The following ATP2C2 variants were observed in gnomAD, a reference collection of about 807,000 sequenced individuals.
ATP2C2 encodes ATPase secretory pathway Ca2+ transporting 2.
In ATP2C2, 171 loss-of-function variants were observed where a neutral mutation model predicts 110.8. The observed-to-expected ratio is 1.54, with a 90% CI of 1.36 to 1.75. The LOEUF is 1.75. Ranked by LOEUF, ATP2C2 falls within the 40% of genes most tolerant of loss-of-function variation. The probability of loss-of-function intolerance (pLI) is 0.00; values close to 1 mark genes in which losing one functional copy is unlikely to be tolerated. For missense variants in ATP2C2, 1,963 were observed against 1,235.0 expected (o/e 1.59, Z -8.84); for synonymous variants, 804 against 508.4 (o/e 1.58, Z -7.82).
At chr16:84,455,068 A>C in intron 21 of ATP2C2, 84 bp downstream of exon 21, 15 of 1,250,330 alleles carry the variant, frequency 1.2e-5, no homozygotes, top group Non-Finnish European at 1.5e-5. Context: ...CTGTGGAGAT[A>C]GAGGGGGGGG....
chr16:84,426,182 C>G lies in ATP2C2; in HGVS notation c.986+381C>G, dbSNP rs572311711. On this transcript the variant is annotated intron_variant, in intron 11 of 26. Transcript: ENST00000262429. ...GGGGAGGCTCCAGGAAGTTTCCAAT[C>G]AAGGCGGAAGGGGAAGGGGGAGCAG... The G allele has an allele frequency of 2.4e-5, 5 of 205,258 alleles. No homozygotes were observed. In the East Asian group the frequency reaches 4.8e-4, roughly 20 times the overall value. 12.7% of individuals were successfully genotyped at this position (205,258 alleles called of 1,614,324 possible).
intron 21 of ATP2C2, among the ~76,000 whole-genome samples, chr16:84,458,792 C>T (rs185515721): frequency 1.7e-3 from 253 of 152,314 alleles, no homozygotes; most frequent in African/African-American, 2.5e-3. Flanking sequence ...CGGAGATGCA[C>T]GGCGCACTTC....
chr16:84,432,043 G>C (rs1001458365), intron 11 of ATP2C2, among the ~76,000 whole-genome samples: 27 of 152,166 alleles, frequency 1.8e-4, no homozygotes, highest in African/African-American at 5.8e-4. Context: ...CCCTGAGAGA[G>C]ATGGCAAACC....
At chr16:84,453,700 G>A (rs370257514) in intron 20 of ATP2C2, among the ~76,000 whole-genome samples, 13 of 152,164 alleles carry the variant, frequency 8.5e-5, no homozygotes, top group African/African-American at 1.9e-4. Context: ...GTAGCTGGGC[G>A]GACACGAGCC....
intron 1 of ATP2C2, among the ~76,000 whole-genome samples, chr16:84,376,618 G>A (rs1335534675): frequency 1.3e-5 from 2 of 151,776 alleles, no homozygotes; most frequent in Non-Finnish European, 2.9e-5. Context: ...CTTCCAATGT[G>A]GCCCAGGGAA....
chr16:84,375,540 C>CAAA lies in ATP2C2; in HGVS notation c.99+6840_99+6842dup, dbSNP rs34953788. 6.5e-3 allele frequency among the ~76,000 whole-genome samples: 852 copies of CAAA among 130,862 alleles called. 6 individuals are homozygous for CAAA. The highest frequency in any genetic ancestry group is 0.011 in the Non-Finnish European group (688 of 62,248). The allele number at this position is 130,862 out of a possible 152,430, so 85.9% of individuals were successfully genotyped here. On this transcript the variant is annotated intron_variant, in intron 1 of 26. Coordinates refer to ENST00000262429, the MANE Select transcript of ATP2C2 (RefSeq NM_014861.4). ...TGGGTGACAGAGCAAGACTCTGTCT[C>CAAA]AAAAAAAAAAAAAAAAGAAAGAAAG... is the stretch of plus-strand genomic sequence containing the variant.
chr16:84,422,425 C>T lies in ATP2C2; in HGVS notation c.660C>T (p.Thr220=), dbSNP rs746908431. ...TDLLVDESSF[T]GEAEPCSKTD... is the part of the protein sequence containing the mutation. ...TCTTGGTGGATGAATCCAGTTTCAC[C>T]GGGGAAGCCGAGCCATGTAGTAAAA... Residue 220 remains threonine, a synonymous_variant, in exon 8 of 27, where the codon ACC becomes ACT. Transcript: ENST00000262429. 46 of 1,613,936 alleles carry T rather than the reference C, an allele frequency of 2.9e-5. No homozygotes were observed. The highest frequency in any genetic ancestry group is 1.3e-4 in the Admixed American group (8 of 59,986).
Position 84,463,855 on chromosome 16 carries a change from T to C in ATP2C2, c.*123T>C, listed in dbSNP as rs1911654383. ...GCAGCCTTCCATCACCGGATCAGTT[T>C]TTCCTCTTAGGAAAGCTGCAGGAAC... On this transcript the variant is annotated 3_prime_UTR_variant, in exon 27 of 27. Transcript: ENST00000262429. 2.2e-6 allele frequency: 2 copies of C among 896,612 alleles called. No individual in the cohort carries two copies. The highest frequency in any genetic ancestry group is 1.6e-5 in the South Asian group (1 of 63,284). 55.5% of individuals were successfully genotyped at this position (896,612 alleles called of 1,614,324 possible). A position where few individuals can be genotyped will look rare whatever the true frequency, so the allele number is the denominator to read the frequency against.
At chr16:84,409,163 G>A (rs910141702) in intron 4 of ATP2C2, among the ~76,000 whole-genome samples, 21 of 152,100 alleles carry the variant, frequency 1.4e-4, no homozygotes, top group African/African-American at 4.8e-4. Context: ...CATGGATGAA[G>A]CTGGAAACCA....
At chr16:84,393,963 C>T (rs1277394639) in intron 1 of ATP2C2, among the ~76,000 whole-genome samples, 1 of 149,720 alleles carries the variant, frequency 6.7e-6, no homozygotes, top group South Asian at 2.1e-4. Flanking sequence ...CAAGACCAGC[C>T]TGGGCAACAT....
intron 3 of ATP2C2, chr16:84,407,567 C>T (rs764792034): frequency 1.3e-5 from 2 of 152,122 alleles, no homozygotes; most frequent in Admixed American, 6.6e-5. Context: ...ACTTCCCAGG[C>T]CCCAGTGATC....
chr16:84,375,379 T>C (rs995014144), intron 1 of ATP2C2, among the ~76,000 whole-genome samples: 1 of 152,032 alleles, frequency 6.6e-6, no homozygotes, highest in Non-Finnish European at 1.5e-5. Context: ...TCGTCTCTAC[T>C]AAAAATACAA....
intron 23 of ATP2C2, chr16:84,459,611 G>C (rs1279391698): frequency 2.4e-5 from 36 of 1,528,426 alleles, no homozygotes; most frequent in Non-Finnish European, 3.1e-5. Flanking sequence ...GGAACTTTCT[G>C]CTCCCTCTGC....
intron 21 of ATP2C2, among the ~76,000 whole-genome samples, chr16:84,458,350 C>G (rs1419481113): frequency 2.0e-5 from 2 of 101,054 alleles, no homozygotes; most frequent in South Asian, 3.8e-4. Flanking sequence ...GTGGTGGGGT[C>G]GGGGGAGGGG....
At chr16:84,416,135 C>G (rs1032884434) in intron 7 of ATP2C2, among the ~76,000 whole-genome samples, 5 of 152,212 alleles carry the variant, frequency 3.3e-5, no homozygotes, top group Admixed American at 2.0e-4. Flanking sequence ...GACCACGCCA[C>G]TGCACTCTAG....
chr16:84,453,951 C>T (rs999844960), intron 20 of ATP2C2, among the ~76,000 whole-genome samples: 1 of 152,116 alleles, frequency 6.6e-6, no homozygotes, highest in African/African-American at 2.4e-5. Context: ...AGCGATTCTC[C>T]TGCCTCAGTC....
intron 1 of ATP2C2, among the ~76,000 whole-genome samples, chr16:84,385,539 G>A (rs1298219980): frequency 6.6e-6 from 1 of 152,118 alleles, no homozygotes; most frequent in African/African-American, 2.4e-5. Context: ...TTTATTCATT[G>A]ATATCAGTAG....
rs1416300509 is a variant in ATP2C2, at chr16:84,461,996, G to C, written c.2589G>C (p.Leu863=). 2.0e-5 allele frequency: 33 copies of C among 1,613,562 alleles called. No homozygotes were observed. In the Admixed American group the frequency reaches 5.5e-4, roughly 27 times the overall value. Residue 863 remains leucine, a synonymous_variant, in exon 26 of 27, where the codon CTG becomes CTC. Coordinates refer to ENST00000262429, the MANE Select transcript of ATP2C2 (RefSeq NM_014861.4). ...TGACCTTCTCCCTGCAGACCAAGCT[G>C]ATATTTGAGATCGGCTTTCTCAGGA... ...NALTCRSQTK[L]IFEIGFLRNH...
At chr16:84,426,326 C>G (rs1907814083) in intron 11 of ATP2C2, among the ~76,000 whole-genome samples, 1 of 152,150 alleles carries the variant, frequency 6.6e-6, no homozygotes, top group African/African-American at 2.4e-5. Flanking sequence ...GGAGATGGCG[C>G]TAATCCATTC....
Sources: gnomAD v4.1 joint callset for allele counts (sites outside exome capture counted in the v4.1 genomes callset) on GRCh38, gnomAD v4.1.1 for gene constraint, MANE v1.5 for transcripts, NCBI Gene and HGNC (gene_info 2026-07-23, HGNC 2026-07-21) for gene names.